The following C16orf89 variants were observed in gnomAD, a reference collection of about 807,000 sequenced individuals.
C16orf89 encodes UPF0764 protein C16orf89.
In C16orf89, 57 loss-of-function variants were observed where a neutral mutation model predicts 41.5. That is an observed-to-expected ratio of 1.38 (90% confidence interval 1.11 to 1.71). The LOEUF is 1.71. C16orf89 is among the 40% of genes most tolerant of loss of function. The pLI is 0.00. For synonymous variants in C16orf89, 223 were observed against 190.6 expected, an observed-to-expected ratio of 1.17 and a Z score of -1.40; for missense variants, 575 against 445.9, an observed-to-expected ratio of 1.29 and a Z score of -2.61.
At position 5,044,914 on chromosome 16, in the gene C16orf89, C is replaced by G. The variant is rs376493717; in HGVS notation, c.956-436G>C. Reference sequence around the variant, plus strand: ...AAGACGCTGAGTGGGTGCTTCGGTGCTCCCTTAGGCCCCTTTTGCTGGGCC... The same window carrying G: ...AAGACGCTGAGTGGGTGCTTCGGTGGTCCCTTAGGCCCCTTTTGCTGGGCC... On this transcript the variant is annotated intron_variant, in intron 7 of 7. Transcript: ENST00000472572. 7.2e-6 allele frequency: 9 copies of G among 1,242,710 alleles called. No homozygotes were observed. In the East Asian group the frequency reaches 5.6e-4, roughly 78 times the overall value. 77.0% of individuals were successfully genotyped at this position (1,242,710 alleles called of 1,614,324 possible).
Position 5,047,898 on chromosome 16 carries a change from CT to C in C16orf89, c.934del (p.Arg312GlyfsTer67), listed in dbSNP as rs773386791. On this transcript the variant is annotated frameshift_variant, in exon 7 of 8. Coordinates refer to ENST00000472572, the MANE Select transcript of C16orf89 (RefSeq NM_001098514.3). LOFTEE classifies it low-confidence loss of function (END_TRUNC). ...ATTACCTGGAAATTGTTTTTCTCGC[CT>C]CTTCACTCTCCTCGAAAAATGCTGC... ...YQQHFSRRVK[R>X]REKQFPDGCS... 1.9e-6 allele frequency: 3 copies of C among 1,595,042 alleles called. No individual in the cohort carries two copies. Among genetic ancestry groups the C allele is most frequent in the South Asian group, 2.2e-5 (2 of 90,220 alleles).
chr16:5,049,122 G>A (rs1351297014), intron 6 of C16orf89, among the ~76,000 whole-genome samples: 1 of 152,104 alleles, frequency 6.6e-6, no homozygotes, highest in Non-Finnish European at 1.5e-5. Flanking sequence ...GACAAAGAAG[G>A]TCATTATATA....
chr16:5,058,054 A>G (rs926985059), intron 4 of C16orf89, among the ~76,000 whole-genome samples: 1 of 152,010 alleles, frequency 6.6e-6, no homozygotes, highest in African/African-American at 2.4e-5. Context: ...CCCAAGTAGA[A>G]ATCCAAAGCT....
At chr16:5,057,395 A>C (rs1567156517) in intron 4 of C16orf89, among the ~76,000 whole-genome samples, 1 of 147,870 alleles carries the variant, frequency 6.8e-6, no homozygotes. Flanking sequence ...GTATATATAT[A>C]GTGGTATATA....
downstream of C16orf89, chr16:5,043,999 T>TAA (rs35753287): frequency 3.4e-3 from 1,272 of 376,458 alleles, 1 homozygote; most frequent in Middle Eastern, 0.012. Flanking sequence ...ATCTATTAAT[T>TAA]AAAAAAAAAA....
At position 5,062,897 on chromosome 16, in the gene C16orf89, C is replaced by G. The variant is rs1389482183; in HGVS notation, c.209-323G>C. On this transcript the variant is annotated intron_variant, in intron 1 of 7. Coordinates refer to ENST00000472572, the MANE Select transcript of C16orf89 (RefSeq NM_001098514.3). ...CTCATATACTTTCTTGTTGGATGGC[C>G]AGAGAAAGGTTGCAGGGTAGAGAAC... Among the ~76,000 whole-genome samples, 6 of 152,196 alleles carry G rather than the reference C, an allele frequency of 3.9e-5. No homozygotes were observed. The East Asian group carries it at 1.2e-3, about 29-fold the overall frequency.
At chr16:5,043,733 T>G (rs1956242130), downstream of C16orf89, 1 of 152,188 alleles carries the variant, frequency 6.6e-6, no homozygotes, top group Non-Finnish European at 1.5e-5. Context: ...CTTTTTAGAA[T>G]TTGTGGCTGG....
chr16:5,053,505 G>A (rs1009877627), intron 6 of C16orf89, among the ~76,000 whole-genome samples: 1 of 151,892 alleles, frequency 6.6e-6, no homozygotes, highest in African/African-American at 2.4e-5. Flanking sequence ...CCGTTCCATA[G>A]CACTATAGGG....
At chr16:5,063,359 T>G (rs1285136656) in intron 1 of C16orf89, among the ~76,000 whole-genome samples, 1 of 152,068 alleles carries the variant, frequency 6.6e-6, no homozygotes, top group Non-Finnish European at 1.5e-5. Flanking sequence ...AGTAAAGGCT[T>G]GGGAGTGCTG....
chr16:5,050,422 A>C (rs909760131), intron 6 of C16orf89, among the ~76,000 whole-genome samples: 1 of 152,136 alleles, frequency 6.6e-6, no homozygotes, highest in African/African-American at 2.4e-5. Context: ...CACATACGAC[A>C]TACTGAAATT....
chr16:5,056,147 A>ATAG lies in C16orf89; in HGVS notation c.666_668dup (p.Tyr223dup). ...TCATGTTGGCGCAGAAGAGGTTGAT[A>ATAG]TAGTCCTGGCTCTGTTGGAGTGGTC... On this transcript the variant is annotated inframe_insertion, in exon 5 of 8. Transcript: ENST00000472572. 6.3e-7 allele frequency: 1 copy of ATAG among 1,597,532 alleles called. No homozygotes were observed. Among genetic ancestry groups the ATAG allele is most frequent in the Non-Finnish European group, 8.6e-7 (1 of 1,165,970 alleles).
chr16:5,065,793 A>C lies in C16orf89; in HGVS notation c.116T>G (p.Ile39Ser), dbSNP rs376295722. 6.2e-7 allele frequency: 1 copy of C among 1,614,162 alleles called. No individual in the cohort carries two copies. The highest frequency in any genetic ancestry group is 2.2e-5 in the East Asian group (1 of 44,884). Residue 39 changes from isoleucine (I) to serine (S), a missense_variant, in exon 1 of 8, where the codon ATC becomes AGC. Physicochemically the swap from Ile to Ser is moderately radical, Grantham distance 142 (BLOSUM62 -2). Transcript: ENST00000472572. ...AESKATIADL[I>S]LSALERATVF... ...GGTGGCTCTCTCCAGCGCAGACAGG[A>C]TCAGGTCTGCAATGGTGGCTTTACT...
chr16:5,065,945 A>G lies in C16orf89; in HGVS notation c.-37T>C. 1 of 1,604,764 alleles carries G rather than the reference A, an allele frequency of 6.2e-7. No homozygotes were observed. Among genetic ancestry groups the G allele is most frequent in the Non-Finnish European group, 8.5e-7 (1 of 1,177,010 alleles). On this transcript the variant is annotated 5_prime_UTR_variant, in exon 1 of 8. Coordinates refer to ENST00000472572, the MANE Select transcript of C16orf89 (RefSeq NM_001098514.3). Reference sequence around the variant, plus strand: ...GCTCACTGCTGGTCACACGCTCAGCACCCTGAGCTCTGGCCAAGCCCAGAC... The same window carrying G: ...GCTCACTGCTGGTCACACGCTCAGCGCCCTGAGCTCTGGCCAAGCCCAGAC...
chr16:5,044,326 A>C lies in C16orf89; in HGVS notation c.*22T>G. ...AAAGGGGTCTGTTCCTCCTCCAGGC[A>C]GCTGGCATGGAACCGTCCGTCTCAG... On this transcript the variant is annotated 3_prime_UTR_variant, in exon 8 of 8. Transcript: ENST00000472572. The C allele has an allele frequency of 1.3e-6, 2 of 1,580,304 alleles. No individual in the cohort carries two copies. The highest frequency in any genetic ancestry group is 1.7e-6 in the Non-Finnish European group (2 of 1,164,754).
At chr16:5,055,415 G>T in intron 5 of C16orf89, 65 bp from the exon 6 acceptor site, 1 of 1,394,858 alleles carries the variant, frequency 7.2e-7, no homozygotes, top group Non-Finnish European at 9.9e-7. Context: ...CCACTCCCCA[G>T]GGCTGCCACG....
chr16:5,052,963 T>C (rs567440869), intron 6 of C16orf89, among the ~76,000 whole-genome samples: 1 of 152,320 alleles, frequency 6.6e-6, no homozygotes, highest in Non-Finnish European at 1.5e-5. Flanking sequence ...ACCAAATTCT[T>C]TCATTCATAG....
intron 6 of C16orf89, among the ~76,000 whole-genome samples, chr16:5,048,726 AAG>A (rs968436273): frequency 1.6e-4 from 25 of 152,342 alleles, no homozygotes; most frequent in African/African-American, 5.8e-4. Context: ...AGAAAGAAGA[AAG>A]AGAAAAGAAG....
Position 5,060,526 on chromosome 16 carries a change from C to G in C16orf89, c.359-90G>C, listed in dbSNP as rs1956596366. Reference sequence around the variant, plus strand: ...GGTGTCCCCACCTCCTCCTGCAGCCCTGCCCACTGGCAGGTGCAGCTCAGG... The same window carrying G: ...GGTGTCCCCACCTCCTCCTGCAGCCGTGCCCACTGGCAGGTGCAGCTCAGG... On this transcript the variant is annotated intron_variant, in intron 2 of 7. Transcript: ENST00000472572. 4.4e-6 allele frequency: 6 copies of G among 1,360,874 alleles called. No homozygotes were observed. The South Asian group carries it at 5.6e-5, about 13-fold the overall frequency. 84.3% of individuals were successfully genotyped at this position (1,360,874 alleles called of 1,614,324 possible).
intron 6 of C16orf89, among the ~76,000 whole-genome samples, chr16:5,049,771 A>G (rs1221392402): frequency 1.3e-5 from 2 of 152,196 alleles, no homozygotes; most frequent in Admixed American, 6.5e-5. Context: ...TCAAATAACG[A>G]ACTAATGATA....
Sources: allele counts gnomAD v4.1 joint callset (sites outside exome capture counted in the v4.1 genomes callset), GRCh38; gene constraint gnomAD v4.1.1; transcripts MANE v1.5; gene names NCBI Gene and HGNC (gene_info 2026-07-23, HGNC 2026-07-21).